The following CTSW variants were observed in gnomAD, a reference collection of about 807,000 sequenced individuals.
The protein encoded by CTSW is cathepsin W.
Under a neutral mutation model 43.8 loss-of-function variants are expected in CTSW, and 42 were observed. That is an observed-to-expected ratio of 0.96 (90% CI 0.75 to 1.24). The LOEUF (loss-of-function observed/expected upper bound fraction) is 1.24, where lower values mean the gene tolerates loss of function less well. Ranked by LOEUF, CTSW falls within the 50% of genes most tolerant of loss-of-function variation. The pLI is 0.00. For synonymous variants in CTSW, 191 were observed against 184.8 expected (o/e 1.03, Z -0.27); for missense variants, 475 against 479.9 (o/e 0.99, Z 0.09).
rs771067811 is a variant in CTSW, at chr11:65,879,980, C to A, written c.87+39C>A. 62 of 1,531,240 alleles carry A rather than the reference C, an allele frequency of 4.0e-5. 1 individual carries two copies. The highest frequency in any genetic ancestry group is 5.6e-5 in the Non-Finnish European group (62 of 1,115,058). 94.9% of individuals were successfully genotyped at this position (1,531,240 alleles called of 1,614,324 possible). A position where few individuals can be genotyped will look rare whatever the true frequency, so the allele number is the denominator to read the frequency against. ...AACCCTTACCTATGCCAGTCCCACG[C>A]CTGGGGTCACCCCTTCAGAAACAGC... On this transcript the variant is annotated intron_variant, in intron 1 of 9. Transcript: ENST00000307886.
intron 4 of CTSW, 22 bp from the exon 5 acceptor site, chr11:65,882,408 G>A (rs762985943): frequency 1.2e-5 from 20 of 1,613,858 alleles, no homozygotes; most frequent in African/African-American, 2.7e-5. Flanking sequence ...ACCTAGCCCC[G>A]CCCCACCCTC....
Position 65,883,076 on chromosome 11 carries a change from G to C in CTSW, c.753G>C (p.Ala251=), listed in dbSNP as rs756546342. The change falls in exon 8 of 10, where the codon GCG becomes GCC. Residue 251 remains alanine (A), a synonymous_variant. Coordinates refer to ENST00000307886, the MANE Select transcript of CTSW (RefSeq NM_001335.4). The stretch of plus-strand genomic sequence containing the variant: ...TGATGTTCCTGTCCCCAGGAATTGC[G>C]CAGTACCTGGCCACTTATGGCCCCA... ...IMLQNNEHRI[A]QYLATYGPIT... is the part of the protein sequence containing the mutation. The C allele has an allele frequency of 6.2e-7, 1 of 1,614,082 alleles. No individual in the cohort carries two copies. The highest frequency in any genetic ancestry group is 1.1e-5 in the South Asian group (1 of 91,080).
In CTSW at chr11:65,882,685, C is replaced by A; in HGVS notation, c.615C>A (p.Asn205Lys). The A allele has an allele frequency of 6.2e-7, 1 of 1,613,980 alleles. No homozygotes were observed. Among genetic ancestry groups the A allele is most frequent in the Non-Finnish European group, 8.5e-7 (1 of 1,180,014 alleles). Reference sequence around the variant, plus strand: ...GGGACGCGTTCATAACTGTCCTCAACAACAGTGAGTGCACTGCCCCGCCAC... The same window carrying A: ...GGGACGCGTTCATAACTGTCCTCAAAAACAGTGAGTGCACTGCCCCGCCAC... ...FVWDAFITVLNNSGLASEKDY... is the reference protein window; with the variant it reads ...FVWDAFITVLKNSGLASEKDY... The change falls in exon 6 of 10, where the codon AAC becomes AAA. Residue 205 changes from asparagine (N) to lysine (K), a missense_variant. By Grantham distance (94) the Asn-to-Lys change is moderately conservative (BLOSUM62 0). Coordinates refer to ENST00000307886, the MANE Select transcript of CTSW (RefSeq NM_001335.4).
At chr11:65,880,360 T>G in intron 2 of CTSW, 74 bp downstream of exon 2, 1 of 1,255,436 alleles carries the variant, frequency 8.0e-7, no homozygotes, top group Non-Finnish European at 1.1e-6. Flanking sequence ...TCACTCTTGT[T>G]GACCAGGCTG....
intron 3 of CTSW, among the ~76,000 whole-genome samples, chr11:65,881,893 G>A (rs901146064): frequency 2.2e-4 from 34 of 152,074 alleles, no homozygotes; most frequent in African/African-American, 6.5e-4. Flanking sequence ...CAATTCCCCC[G>A]ACCCCTCAGC....
intron 2 of CTSW, among the ~76,000 whole-genome samples, chr11:65,881,029 C>T (rs2134763649): frequency 6.6e-6 from 1 of 152,302 alleles, no homozygotes; most frequent in East Asian, 1.9e-4. Context: ...TTAGCCCAGA[C>T]TGCCTGTGCC....
Position 65,882,447 on chromosome 11 carries a change from CTGG to C in CTSW, c.460_462del (p.Trp154del). On this transcript the variant is annotated inframe_deletion, in exon 5 of 10. Transcript: ENST00000307886. ...CCCTCCAGAAAAACTGCAACTGCTG[CTGG>C]GCCATGGCAGCGGCAGGCAACATAG... 1 of 1,614,230 alleles carries C rather than the reference CTGG, an allele frequency of 6.2e-7. No individual in the cohort carries two copies. The highest frequency in any genetic ancestry group is 1.1e-5 in the South Asian group (1 of 91,080).
chr11:65,880,325 CT>C (rs201535604), intron 2 of CTSW, 39 bp downstream of exon 2: 242,364 of 1,263,692 alleles, frequency 0.19, 3,147 homozygotes, highest in Admixed American at 0.33. Flanking sequence ...CAAGCCCCCA[CT>C]TTTTTTTTTT....
intron 3 of CTSW, among the ~76,000 whole-genome samples, chr11:65,881,747 G>A (rs1031461227): frequency 2.6e-5 from 4 of 152,166 alleles, no homozygotes; most frequent in African/African-American, 7.2e-5. Flanking sequence ...CAGCTGCAGG[G>A]AAGCACCCAG....
chr11:65,882,723 C>A, intron 6 of CTSW, 34 bp downstream of exon 6: 1 of 1,614,192 alleles, frequency 6.2e-7, no homozygotes, highest in Non-Finnish European at 8.5e-7. Context: ...TGGACATCTG[C>A]AGGGGGACAG....
chr11:65,883,045 G>A, intron 7 of CTSW, 24 bp from the exon 8 acceptor site: 1 of 1,614,058 alleles, frequency 6.2e-7, no homozygotes, highest in Non-Finnish European at 8.5e-7. Context: ...CATGCCAAGG[G>A]TCTGATGATG....
At position 65,883,131 on chromosome 11, in the gene CTSW, C is replaced by T; in HGVS notation, c.808C>T (p.Gln270Ter). Residue 270 changes from glutamine (Q) to a stop codon, truncating the protein, a stop_gained and splice_region_variant, in exon 8 of 10, where the codon CAG becomes TAG. Transcript: ENST00000307886. LOFTEE classifies it high-confidence loss of function. Reference protein sequence around the residue: ...ITVTINMKPLQLYRKGVIKAT... With the variant: ...ITVTINMKPL ...CGTGACCATCAACATGAAGCCCCTT[C>T]AGGTGAGATGGGGGAGCTGATGGGG... 3 of 1,614,090 alleles carry T rather than the reference C, an allele frequency of 1.9e-6. No homozygotes were observed. Among genetic ancestry groups the T allele is most frequent in the Admixed American group, 3.3e-5 (2 of 60,008 alleles).
chr11:65,881,784 G>T (rs1408162137), intron 3 of CTSW, among the ~76,000 whole-genome samples: 2 of 152,136 alleles, frequency 1.3e-5, no homozygotes, highest in Non-Finnish European at 2.9e-5. Context: ...TCTAGGCTTG[G>T]CACCCTTGCC....
rs376330194 is a variant in CTSW, at chr11:65,883,526, C to T, written c.1039C>T (p.Arg347Ter). 13 of 1,613,772 alleles carry T rather than the reference C, an allele frequency of 8.1e-6. No individual in the cohort carries two copies. The highest frequency in any genetic ancestry group is 4.0e-5 in the African/African-American group (3 of 74,876). The change falls in exon 10 of 10, where the codon CGA becomes TGA. Residue 347 changes from arginine (R) to a stop codon, truncating the protein, a stop_gained. Transcript: ENST00000307886. LOFTEE classifies it low-confidence loss of function (END_TRUNC). ...WGEKGYFRLH[R>*]GSNTCGITKF... ...CTCCTAGGGCTATTTCCGGCTGCAC[C>T]GAGGGAGCAATACCTGTGGCATCAC...
In CTSW at chr11:65,882,603, C is replaced by T. The variant is rs909801720; in HGVS notation, c.539-6C>T. The stretch of plus-strand genomic sequence containing the variant: ...TGGTCACCCACACTGTCCCTTCTTG[C>T]ACCAGAACTGCTGGACTGTGGCCGC... On this transcript the variant is annotated splice_region_variant and splice_polypyrimidine_tract_variant and intron_variant, in intron 5 of 9. Transcript: ENST00000307886. 9.3e-6 allele frequency: 15 copies of T among 1,614,100 alleles called. No individual in the cohort carries two copies. Among genetic ancestry groups the T allele is most frequent in the Admixed American group, 1.7e-5 (1 of 60,010 alleles).
chr11:65,879,975 C>T (rs901258601), intron 1 of CTSW, 34 bp downstream of exon 1: 1 of 1,561,982 alleles, frequency 6.4e-7, no homozygotes, highest in Non-Finnish European at 8.8e-7. Context: ...TATGCCAGTC[C>T]CACGCCTGGG....
intron 2 of CTSW, among the ~76,000 whole-genome samples, chr11:65,880,874 C>A (rs1392000234): frequency 6.6e-6 from 1 of 152,202 alleles, no homozygotes; most frequent in Non-Finnish European, 1.5e-5. Context: ...GGGGCCACCA[C>A]CTAGTCATTT....
intron 3 of CTSW, 96 bp downstream of exon 3, chr11:65,881,616 C>T: frequency 1.3e-6 from 1 of 783,424 alleles, no homozygotes; most frequent in East Asian, 2.9e-5. Flanking sequence ...ATTTTTACTT[C>T]CCAGGGAAGG....
At position 65,880,302 on chromosome 11, in the gene CTSW, T is replaced by C. The variant is rs760534603; in HGVS notation, c.172+16T>C. On this transcript the variant is annotated intron_variant, in intron 2 of 9. Coordinates refer to ENST00000307886, the MANE Select transcript of CTSW (RefSeq NM_001335.4). ...AGCCCAGAAGGTATCACAGGGCACATACATCTCCAGTCCAAGCCCCCACTT... is the reference window on the plus strand; with the variant it reads ...AGCCCAGAAGGTATCACAGGGCACACACATCTCCAGTCCAAGCCCCCACTT... The C allele has an allele frequency of 6.3e-7, 1 of 1,599,002 alleles. No individual in the cohort carries two copies. The highest frequency in any genetic ancestry group is 8.5e-7 in the Non-Finnish European group (1 of 1,169,826).
Sources: gnomAD v4.1 joint callset for allele counts (sites outside exome capture counted in the v4.1 genomes callset) on GRCh38, gnomAD v4.1.1 for gene constraint, MANE v1.5 for transcripts, NCBI Gene and HGNC (gene_info 2026-07-23, HGNC 2026-07-21) for gene names.